Variants in TAFA1 observed in about 807,000 individuals in gnomAD.
TAFA1 encodes the protein chemokine-like protein TAFA-1.
In TAFA1, 4 loss-of-function variants were observed where a neutral mutation model predicts 18.5. That is an observed-to-expected ratio of 0.22 (90% CI 0.11 to 0.49). The LOEUF is 0.49. Ranked by LOEUF, TAFA1 falls within the 20% of genes least tolerant of loss-of-function variation. The pLI, the probability that TAFA1 is intolerant of heterozygous loss-of-function variation, is 0.98. For synonymous variants in TAFA1, 56 were observed against 55.2 expected, an observed-to-expected ratio of 1.01 and a Z score of -0.06; for missense variants, 147 against 169.0, an observed-to-expected ratio of 0.87 and a Z score of 0.72.
chr3:68,034,634 G>A (rs2106660921), intron 2 of TAFA1, among the ~76,000 whole-genome samples: 1 of 152,294 alleles, frequency 6.6e-6, no homozygotes, highest in African/African-American at 2.4e-5. Flanking sequence ...TCCTTTGAGT[G>A]GACAGTGAAG....
intron 2 of TAFA1, among the ~76,000 whole-genome samples, chr3:68,232,261 C>G (rs1174961392): frequency 1.3e-5 from 2 of 152,180 alleles, no homozygotes; most frequent in East Asian, 3.9e-4. Context: ...ATTCTACTCT[C>G]TACTTTTATA....
the TAFA1 span, among the ~76,000 whole-genome samples, chr3:67,996,821 AT>A: frequency 0.036 from 5,192 of 144,770 alleles, 134 homozygotes; most frequent in East Asian, 0.11. Flanking sequence ...AAAAAAAAAA[AT>A]GGTATAATAT....
intron 2 of TAFA1, among the ~76,000 whole-genome samples, chr3:68,346,763 G>C (rs768742920): frequency 3.3e-5 from 5 of 152,178 alleles, no homozygotes; most frequent in African/African-American, 1.2e-4. Context: ...TTTCTGTCTA[G>C]AGTTGTTCCA....
chr3:68,312,388 T>C (rs745495571), intron 2 of TAFA1, among the ~76,000 whole-genome samples: 2 of 152,236 alleles, frequency 1.3e-5, no homozygotes, highest in Non-Finnish European at 2.9e-5. Flanking sequence ...TATGCTTTGC[T>C]TTCCTTATAA....
chr3:68,158,828 G>T (rs558362312), intron 2 of TAFA1, among the ~76,000 whole-genome samples: 1 of 152,214 alleles, frequency 6.6e-6, no homozygotes, highest in African/African-American at 2.4e-5. Context: ...TATGTATTTT[G>T]TGATGGAGGG....
At chr3:68,449,588 AC>A (rs1026763014) in intron 3 of TAFA1, among the ~76,000 whole-genome samples, 4 of 152,038 alleles carry the variant, frequency 2.6e-5, no homozygotes, top group African/African-American at 7.2e-5. Flanking sequence ...TAAGAAGACT[AC>A]CCTCTCTCCA....
At chr3:68,235,058 C>CT (rs1313577929) in intron 2 of TAFA1, among the ~76,000 whole-genome samples, 6 of 152,234 alleles carry the variant, frequency 3.9e-5, no homozygotes, top group African/African-American at 1.4e-4. Context: ...TGCTGGAGTT[C>CT]TGAAGGTATT....
intron 2 of TAFA1, among the ~76,000 whole-genome samples, chr3:68,030,859 G>A (rs1704919870): frequency 6.6e-6 from 1 of 152,038 alleles, no homozygotes; most frequent in African/African-American, 2.4e-5. Flanking sequence ...AGATGCTGTT[G>A]GTTTGCTCCT....
chr3:68,376,106 A>G lies in TAFA1; in HGVS notation c.119-41174A>G, dbSNP rs576583326. On this transcript the variant is annotated intron_variant, in intron 2 of 4. Transcript: ENST00000478136. Reference sequence around the variant, plus strand: ...CCAAGGGTCTGCACAACTGATCAGGATATAGGCCTTTTGAGCTCCAGGTCC... The same window carrying G: ...CCAAGGGTCTGCACAACTGATCAGGGTATAGGCCTTTTGAGCTCCAGGTCC... 2.0e-5 allele frequency among the ~76,000 whole-genome samples: 3 copies of G among 152,208 alleles called. No individual in the cohort carries two copies. The South Asian group carries it at 6.2e-4, about 32-fold the overall frequency.
At chr3:68,205,340 A>G (rs1170297107) in intron 2 of TAFA1, among the ~76,000 whole-genome samples, 1 of 151,848 alleles carries the variant, frequency 6.6e-6, no homozygotes, top group Non-Finnish European at 1.5e-5. Flanking sequence ...GCCAGTATAC[A>G]CGGTGATATT....
chr3:68,387,970 AC>A (rs1007825971), intron 2 of TAFA1, among the ~76,000 whole-genome samples: 20 of 152,170 alleles, frequency 1.3e-4, no homozygotes, highest in African/African-American at 4.6e-4. Flanking sequence ...TCAAAGTGGA[AC>A]TTCCCTGTTC....
chr3:68,022,322 GA>G (rs1704707680), intron 2 of TAFA1, among the ~76,000 whole-genome samples: 1 of 152,132 alleles, frequency 6.6e-6, no homozygotes. Context: ...AGAACATTTG[GA>G]GGCAGAAGAA....
At chr3:68,018,638 C>T (rs1019797599) in intron 2 of TAFA1, among the ~76,000 whole-genome samples, 7 of 152,130 alleles carry the variant, frequency 4.6e-5, no homozygotes, top group Non-Finnish European at 1.0e-4. Flanking sequence ...CTGACAAATG[C>T]CTGAAACAGT....
At chr3:68,259,131 C>T (rs996641777) in intron 2 of TAFA1, among the ~76,000 whole-genome samples, 1 of 152,130 alleles carries the variant, frequency 6.6e-6, no homozygotes, top group Admixed American at 6.5e-5. Flanking sequence ...CTCCCAGGTG[C>T]CACTGTGGGT....
intron 3 of TAFA1, among the ~76,000 whole-genome samples, chr3:68,535,828 G>A (rs2073271324): frequency 6.6e-6 from 1 of 151,880 alleles, no homozygotes; most frequent in Admixed American, 6.6e-5. Context: ...TTTAAAGGGG[G>A]AAAAATGGGG....
At chr3:68,445,555 C>T (rs957657044) in intron 3 of TAFA1, among the ~76,000 whole-genome samples, 3 of 152,014 alleles carry the variant, frequency 2.0e-5, no homozygotes, top group East Asian at 3.9e-4. Flanking sequence ...TAGCATTCAG[C>T]GTGAAAATTT....
At chr3:68,321,775 C>T (rs1418589447) in intron 2 of TAFA1, among the ~76,000 whole-genome samples, 2 of 152,144 alleles carry the variant, frequency 1.3e-5, no homozygotes, top group Non-Finnish European at 2.9e-5. Context: ...CTTCAGTCTC[C>T]ATCTGGACTT....
intron 2 of TAFA1, among the ~76,000 whole-genome samples, chr3:68,265,862 T>C (rs2067531998): frequency 6.6e-6 from 1 of 152,132 alleles, no homozygotes; most frequent in African/African-American, 2.4e-5. Context: ...ACTCTTTCTC[T>C]GGGGCACTGC....
chr3:68,393,812 AC>A (rs1252751149), intron 2 of TAFA1, among the ~76,000 whole-genome samples: 2 of 152,156 alleles, frequency 1.3e-5, no homozygotes, highest in Non-Finnish European at 2.9e-5. Context: ...AAAATTCAAC[AC>A]CCCTTCATGC....
Sources: allele counts gnomAD v4.1 joint callset (sites outside exome capture counted in the v4.1 genomes callset), GRCh38; gene constraint gnomAD v4.1.1; transcripts MANE v1.5; gene names NCBI Gene and HGNC (gene_info 2026-07-23, HGNC 2026-07-21).